The following GRID2 variants were observed in gnomAD, a reference collection of about 807,000 sequenced individuals.
GRID2 encodes the protein glutamate receptor ionotropic, delta-2.
A neutral mutation model predicts 114.8 loss-of-function variants in GRID2; 33 were observed. The ratio of observed to expected loss-of-function variants is 0.29; its 90% CI spans 0.22 to 0.38. The LOEUF (loss-of-function observed/expected upper bound fraction) is 0.38. Among genes scored for constraint, GRID2 ranks in the 10% least tolerant of loss-of-function variants. The pLI, the probability that GRID2 is intolerant of heterozygous loss-of-function variation, is 1.00. For missense variants in GRID2, 1,184 were observed against 1,257.7 expected, an observed-to-expected ratio of 0.94 and a Z score of 0.89; for synonymous variants, 505 against 449.9, an observed-to-expected ratio of 1.12 and a Z score of -1.55.
chr4:92,961,606 T>C (rs2149155694), intron 2 of GRID2, among the ~76,000 whole-genome samples: 1 of 151,788 alleles, frequency 6.6e-6, no homozygotes, highest in South Asian at 2.1e-4. Context: ...TGTTTCTTTA[T>C]TTTGATTTTC....
intron 2 of GRID2, among the ~76,000 whole-genome samples, chr4:93,066,857 C>T (rs1290043512): frequency 6.6e-6 from 1 of 151,906 alleles, no homozygotes; most frequent in Non-Finnish European, 1.5e-5. Flanking sequence ...AATACAAGCT[C>T]TACTTATTTT....
chr4:93,429,939 T>C (rs1769242093), intron 10 of GRID2, among the ~76,000 whole-genome samples: 1 of 152,110 alleles, frequency 6.6e-6, no homozygotes, highest in African/African-American at 2.4e-5. Flanking sequence ...AAGATACTAT[T>C]TAGTAATTAT....
At chr4:92,462,902 C>T (rs571580779) in intron 1 of GRID2, among the ~76,000 whole-genome samples, 1 of 152,016 alleles carries the variant, frequency 6.6e-6, no homozygotes, top group African/African-American at 2.4e-5. Context: ...TAGGTGCTTT[C>T]TTACTATGAA....
chr4:93,543,710 T>TAGAGAGAGAGAGAGAGAG lies in GRID2; in HGVS notation c.2193+28319_2193+28336dup, dbSNP rs34742442. ...AGCAAGAGTGAGAGTGAGTGAGAGA[T>TAGAGAGAGAGAGAGAGAG]AGAGAGAGAGAGAGAGAGAGAGAGA... On this transcript the variant is annotated intron_variant, in intron 13 of 15. Transcript: ENST00000282020. Among the ~76,000 whole-genome samples the TAGAGAGAGAGAGAGAGAG allele has an allele frequency of 5.5e-4, 73 of 133,588 alleles. 1 individual carries two copies. Among genetic ancestry groups the TAGAGAGAGAGAGAGAGAG allele is most frequent in the African/African-American group, 1.8e-3 (61 of 34,088 alleles). The allele number at this position is 133,588 out of a possible 152,430, so 87.6% of individuals were successfully genotyped here.
chr4:93,698,813 A>C (rs1727264597), intron 14 of GRID2, among the ~76,000 whole-genome samples: 1 of 152,100 alleles, frequency 6.6e-6, no homozygotes, highest in Non-Finnish European at 1.5e-5. Context: ...GTTTAACAGA[A>C]GTAATATGAT....
chr4:92,845,246 G>C (rs1743224681), intron 2 of GRID2, among the ~76,000 whole-genome samples: 1 of 151,890 alleles, frequency 6.6e-6, no homozygotes. Context: ...TTATTCTCTT[G>C]GTTTATTTTT....
At chr4:92,490,251 C>G (rs1197794367) in intron 1 of GRID2, among the ~76,000 whole-genome samples, 1 of 151,988 alleles carries the variant, frequency 6.6e-6, no homozygotes, top group African/African-American at 2.4e-5. Context: ...TTATCGTATT[C>G]AAAATTAAAA....
intron 2 of GRID2, among the ~76,000 whole-genome samples, chr4:93,031,026 A>G (rs1450749418): frequency 7.0e-6 from 1 of 142,388 alleles, no homozygotes; most frequent in Non-Finnish European, 1.5e-5. Context: ...ACATGATCCA[A>G]TCTCCATTTT....
chr4:93,189,800 C>T (rs1180421693), intron 4 of GRID2, among the ~76,000 whole-genome samples: 2 of 149,104 alleles, frequency 1.3e-5, no homozygotes, highest in Non-Finnish European at 3.0e-5. Context: ...CACACACACA[C>T]ACACACACAC....
intron 9 of GRID2, among the ~76,000 whole-genome samples, chr4:93,407,863 T>G (rs1404741575): frequency 6.6e-6 from 1 of 151,354 alleles, no homozygotes; most frequent in Non-Finnish European, 1.5e-5. Flanking sequence ...CTGCTTCTCC[T>G]TCTCCTCCTT....
At chr4:92,470,737 A>T (rs1477014561) in intron 1 of GRID2, among the ~76,000 whole-genome samples, 3 of 152,068 alleles carry the variant, frequency 2.0e-5, no homozygotes, top group Admixed American at 6.6e-5. Context: ...GGCCAAAGAC[A>T]TAAAATTACG....
At chr4:92,521,336 G>A (rs1322146050) in intron 1 of GRID2, among the ~76,000 whole-genome samples, 4 of 151,554 alleles carry the variant, frequency 2.6e-5, no homozygotes, top group African/African-American at 4.8e-5. Flanking sequence ...TAACAAACAA[G>A]TATAAAAACT....
At chr4:93,059,444 A>C (rs1727568286) in intron 2 of GRID2, among the ~76,000 whole-genome samples, 1 of 152,076 alleles carries the variant, frequency 6.6e-6, no homozygotes, top group South Asian at 2.1e-4. Context: ...CATCATGCTC[A>C]CTAGTGGCCA....
At chr4:92,684,142 AAAAC>A (rs1464844955) in intron 2 of GRID2, among the ~76,000 whole-genome samples, 1 of 152,056 alleles carries the variant, frequency 6.6e-6, no homozygotes, top group Non-Finnish European at 1.5e-5. Flanking sequence ...AAAAATATGA[AAAAC>A]AATCATATGT....
At chr4:93,591,842 G>T (rs1442428899) in intron 13 of GRID2, among the ~76,000 whole-genome samples, 4 of 152,084 alleles carry the variant, frequency 2.6e-5, no homozygotes, top group Non-Finnish European at 5.9e-5. Flanking sequence ...GTTTATTTGC[G>T]TAGAGGTGTT....
chr4:92,444,648 C>T (rs1011192817), intron 1 of GRID2, among the ~76,000 whole-genome samples: 7 of 152,068 alleles, frequency 4.6e-5, no homozygotes, highest in African/African-American at 1.4e-4. Context: ...GGCTCAGAGG[C>T]CTGACATTTC....
At chr4:93,176,240 C>T (rs1482478725) in intron 4 of GRID2, among the ~76,000 whole-genome samples, 1 of 151,914 alleles carries the variant, frequency 6.6e-6, no homozygotes, top group Non-Finnish European at 1.5e-5. Flanking sequence ...TCCAAATAAG[C>T]TATAGATTGG....
At chr4:92,404,217 T>C (rs1171879026) in intron 1 of GRID2, among the ~76,000 whole-genome samples, 1 of 152,108 alleles carries the variant, frequency 6.6e-6, no homozygotes, top group Non-Finnish European at 1.5e-5. Context: ...TTCATTTTTT[T>C]CCAAAAAGAA....
At chr4:92,376,655 GC>G (rs142633145) in intron 1 of GRID2, among the ~76,000 whole-genome samples, 46,389 of 151,956 alleles carry the variant, frequency 0.31, 7,102 homozygotes, top group African/African-American at 0.34. Flanking sequence ...TGAGAGGCCT[GC>G]CCCTGCAACA....
Sources: gnomAD v4.1 joint callset for allele counts (sites outside exome capture counted in the v4.1 genomes callset) on GRCh38, gnomAD v4.1.1 for gene constraint, MANE v1.5 for transcripts, NCBI Gene and HGNC (gene_info 2026-07-23, HGNC 2026-07-21) for gene names.